DNAH12: variants seen among roughly 807,000 people sequenced by gnomAD.
DNAH12 encodes axonemal beta dynein heavy chain 12.
Under a neutral mutation model 371.5 loss-of-function variants are expected in DNAH12, and 285 were observed. The ratio of observed to expected loss-of-function variants is 0.77; its 90% CI spans 0.70 to 0.85. The LOEUF (loss-of-function observed/expected upper bound fraction) is 0.85, where lower values mean the gene tolerates loss of function less well. DNAH12 is among the 40% of genes least tolerant of loss of function. DNAH12 has a pLI of 0.00. For missense variants in DNAH12, 3,611 were observed against 3,689.4 expected (o/e 0.98, Z 0.55); for synonymous variants, 1,200 against 1,213.0 (o/e 0.99, Z 0.22).
At chr3:57,520,018 C>T in intron 4 of DNAH12, 3 of 763,870 alleles carry the variant, frequency 3.9e-6, no homozygotes, top group Admixed American at 4.4e-5. Context: ...CATGGTAGCG[C>T]CGCGGAGCCG....
chr3:57,370,557 T>A (rs2153336293), intron 55 of DNAH12, among the ~76,000 whole-genome samples: 1 of 152,256 alleles, frequency 6.6e-6, no homozygotes, highest in Non-Finnish European at 1.5e-5. Context: ...TTAGAAACTA[T>A]AAAGAGCAAG....
At chr3:57,499,028 A>C (rs974731053) in intron 11 of DNAH12, among the ~76,000 whole-genome samples, 3 of 102,576 alleles carry the variant, frequency 2.9e-5, no homozygotes, top group Non-Finnish European at 4.4e-5. Flanking sequence ...CACACACACA[A>C]AAACAAAAAC....
chr3:57,325,173 C>G (rs1284929525), intron 62 of DNAH12, among the ~76,000 whole-genome samples: 1 of 152,268 alleles, frequency 6.6e-6, no homozygotes, highest in East Asian at 1.9e-4. Flanking sequence ...CAGCAGTAAC[C>G]TCTGCAGACT....
At chr3:57,391,669 T>C (rs2063626208) in intron 45 of DNAH12, among the ~76,000 whole-genome samples, 1 of 152,206 alleles carries the variant, frequency 6.6e-6, no homozygotes, top group Non-Finnish European at 1.5e-5. Context: ...CTGACTGCTT[T>C]TTCTGTCTTC....
At chr3:57,361,659 C>A (rs2062939833) in intron 58 of DNAH12, among the ~76,000 whole-genome samples, 1 of 151,546 alleles carries the variant, frequency 6.6e-6, no homozygotes, top group Non-Finnish European at 1.5e-5. Flanking sequence ...AATCAACTAG[C>A]AACTACCTCC....
At chr3:57,495,145 C>G (rs536444809) in intron 11 of DNAH12, among the ~76,000 whole-genome samples, 26 of 152,154 alleles carry the variant, frequency 1.7e-4, no homozygotes, top group African/African-American at 6.3e-4. Flanking sequence ...CAGTAAATGA[C>G]AGAAATAAAT....
chr3:57,545,359 A>G (rs576063819), upstream of DNAH12, among the ~76,000 whole-genome samples: 16 of 145,272 alleles, frequency 1.1e-4, no homozygotes, highest in East Asian at 2.8e-3. Context: ...GGGTTTCTCC[A>G]TGTTGGTCAG....
chr3:57,360,684 T>TAACAAC (rs1158640870), intron 58 of DNAH12, among the ~76,000 whole-genome samples: 9 of 151,094 alleles, frequency 6.0e-5, no homozygotes, highest in Non-Finnish European at 1.0e-4. Flanking sequence ...CGAAACTCTG[T>TAACAAC]AACAACAACA....
At chr3:57,463,420 G>A (rs1484586888) in intron 17 of DNAH12, among the ~76,000 whole-genome samples, 1 of 152,006 alleles carries the variant, frequency 6.6e-6, no homozygotes, top group East Asian at 1.9e-4. Flanking sequence ...ATGTAACAAT[G>A]TTTTATCTCT....
intron 22 of DNAH12, among the ~76,000 whole-genome samples, chr3:57,457,108 G>A (rs2065922057): frequency 6.6e-6 from 1 of 151,950 alleles, no homozygotes; most frequent in South Asian, 2.1e-4. Flanking sequence ...TTGTCTTCCT[G>A]TTTTCACACC....
intron 18 of DNAH12, among the ~76,000 whole-genome samples, chr3:57,462,344 C>T (rs147785345): frequency 0.014 from 2,182 of 152,126 alleles, 54 homozygotes; most frequent in African/African-American, 0.05. Flanking sequence ...CTCCACCTCC[C>T]GGGTTCAAGC....
chr3:57,523,762 G>T (rs529798773), intron 3 of DNAH12, 41 bp downstream of exon 3: 2 of 1,534,064 alleles, frequency 1.3e-6, no homozygotes, highest in South Asian at 2.6e-5. Flanking sequence ...AAATTAAAAT[G>T]ATATAAGGAT....
chr3:57,396,004 C>T (rs878871847), intron 43 of DNAH12, among the ~76,000 whole-genome samples: 34,229 of 151,096 alleles, frequency 0.23, 4,495 homozygotes, highest in South Asian at 0.43. Flanking sequence ...TTAGGCTGGG[C>T]GCGGTGGCTC....
intron 37 of DNAH12, among the ~76,000 whole-genome samples, chr3:57,417,473 T>C (rs558493083): frequency 1.3e-5 from 2 of 152,152 alleles, no homozygotes; most frequent in Middle Eastern, 3.2e-3. Flanking sequence ...TCTATGAAAA[T>C]TTATTAAAAT....
At chr3:57,310,599 A>G in intron 67 of DNAH12, 118 bp downstream of exon 67, 1 of 729,072 alleles carries the variant, frequency 1.4e-6, no homozygotes, top group East Asian at 2.7e-5. Context: ...AAAGATTATT[A>G]AAAGTTGATT....
intron 25 of DNAH12, among the ~76,000 whole-genome samples, chr3:57,450,551 A>C (rs900496833): frequency 3.3e-5 from 5 of 152,234 alleles, no homozygotes; most frequent in African/African-American, 1.2e-4. Context: ...TCCATCTCAA[A>C]AAGTGTTGAA....
chr3:57,401,171 TAAAAC>T (rs1241748514), intron 43 of DNAH12, among the ~76,000 whole-genome samples: 2 of 151,720 alleles, frequency 1.3e-5, no homozygotes, highest in East Asian at 3.9e-4. Flanking sequence ...TTGAGAAAAT[TAAAAC>T]AAAAACAAAC....
Position 57,325,911 on chromosome 3 carries a change from T to C in DNAH12, c.9979-2292A>G, listed in dbSNP as rs191110907. 4.8e-3 allele frequency among the ~76,000 whole-genome samples: 723 copies of C among 152,198 alleles called. 6 individuals carry two copies. The highest frequency in any genetic ancestry group is 5.5e-3 in the Non-Finnish European group (372 of 68,028). On this transcript the variant is annotated intron_variant, in intron 62 of 73. Coordinates refer to ENST00000495027, the MANE Select transcript of DNAH12 (RefSeq NM_001366028.2). ...GCTGAAAGCCAAGGCACGAGAACTA[T>C]GTGTAGAATGCAGAAGCCTCAGGAG...
At chr3:57,505,814 G>A (rs1174097224) in intron 8 of DNAH12, among the ~76,000 whole-genome samples, 3 of 151,996 alleles carry the variant, frequency 2.0e-5, no homozygotes, top group Non-Finnish European at 4.4e-5. Context: ...ATAGTTCACA[G>A]CAGGCTCGAG....
Sources: gnomAD v4.1 joint callset for allele counts (sites outside exome capture counted in the v4.1 genomes callset) on GRCh38, gnomAD v4.1.1 for gene constraint, MANE v1.5 for transcripts, NCBI Gene and HGNC (gene_info 2026-07-23, HGNC 2026-07-21) for gene names.